The following PLXDC2 variants were observed in gnomAD, a reference collection of about 807,000 sequenced individuals.
The protein encoded by PLXDC2 is plexin domain containing 2, also known as plexin domain-containing protein 2.
Under a neutral mutation model 68.9 loss-of-function variants are expected in PLXDC2, and 40 were observed. The ratio of observed to expected loss-of-function variants is 0.58; its 90% CI spans 0.45 to 0.76. The LOEUF is 0.76. Among genes scored for constraint, PLXDC2 ranks in the 30% least tolerant of loss-of-function variants. The pLI, the probability that PLXDC2 is intolerant of heterozygous loss-of-function variation, is 0.00. For missense variants in PLXDC2, 644 were observed against 661.9 expected, an observed-to-expected ratio of 0.97 and a Z score of 0.30; for synonymous variants, 243 against 234.2, an observed-to-expected ratio of 1.04 and a Z score of -0.34.
At chr10:20,121,327 T>C (rs1833694075) in intron 4 of PLXDC2, among the ~76,000 whole-genome samples, 1 of 152,158 alleles carries the variant, frequency 6.6e-6, no homozygotes, top group Non-Finnish European at 1.5e-5. Flanking sequence ...TGGTCCTGGC[T>C]CTTGTATAAG....
At chr10:19,878,039 G>T (rs1396096556) in intron 1 of PLXDC2, among the ~76,000 whole-genome samples, 1 of 152,098 alleles carries the variant, frequency 6.6e-6, no homozygotes, top group East Asian at 1.9e-4. Flanking sequence ...ATTTAGACTG[G>T]GCTTGAGCAA....
intron 1 of PLXDC2, among the ~76,000 whole-genome samples, chr10:19,978,183 C>G (rs1834490601): frequency 6.6e-6 from 1 of 152,040 alleles, no homozygotes; most frequent in African/African-American, 2.4e-5. Flanking sequence ...GGTCCCTATA[C>G]CTGGATTTTA....
intron 4 of PLXDC2, among the ~76,000 whole-genome samples, chr10:20,090,748 A>G (rs1196011815): frequency 1.3e-5 from 2 of 152,120 alleles, no homozygotes; most frequent in Non-Finnish European, 2.9e-5. Context: ...AGAAACTGAC[A>G]TTACTTAGTT....
At chr10:20,020,607 G>A (rs1030931375) in intron 2 of PLXDC2, among the ~76,000 whole-genome samples, 4 of 151,776 alleles carry the variant, frequency 2.6e-5, no homozygotes, top group East Asian at 1.9e-4. Flanking sequence ...GTGTATCTCC[G>A]TTCATGATCT....
chr10:20,098,985 A>G (rs2078095333), intron 4 of PLXDC2, among the ~76,000 whole-genome samples: 1 of 152,204 alleles, frequency 6.6e-6, no homozygotes, highest in Non-Finnish European at 1.5e-5. Flanking sequence ...AAAGTGACAC[A>G]GCTAAGAATG....
At chr10:19,844,425 C>T (rs1234714720) in intron 1 of PLXDC2, among the ~76,000 whole-genome samples, 1 of 152,006 alleles carries the variant, frequency 6.6e-6, no homozygotes, top group Non-Finnish European at 1.5e-5. Flanking sequence ...AATGTAGTGA[C>T]TTAGTCAAAA....
At chr10:19,897,280 C>T (rs1286757522) in intron 1 of PLXDC2, among the ~76,000 whole-genome samples, 3 of 150,654 alleles carry the variant, frequency 2.0e-5, no homozygotes, top group Non-Finnish European at 4.4e-5. Flanking sequence ...GCTCTTGTCG[C>T]CCAGGCTGGA....
intron 7 of PLXDC2, among the ~76,000 whole-genome samples, chr10:20,165,423 C>T (rs761255613): frequency 1.3e-5 from 2 of 151,974 alleles, no homozygotes; most frequent in Admixed American, 6.6e-5. Context: ...TGCTATCCCT[C>T]CCCTTTCCCC....
At chr10:20,270,551 CT>C (rs111516767) in intron 13 of PLXDC2, among the ~76,000 whole-genome samples, 19 of 148,318 alleles carry the variant, frequency 1.3e-4, no homozygotes, top group Admixed American at 2.0e-4. Flanking sequence ...ATTTTCTTTT[CT>C]TTTTTTTTTG....
At chr10:20,158,662 C>CAAATAAATAAATAAAT (rs1235836557) in intron 6 of PLXDC2, among the ~76,000 whole-genome samples, 3 of 144,712 alleles carry the variant, frequency 2.1e-5, no homozygotes, top group African/African-American at 7.4e-5. Flanking sequence ...GACTCTGTCT[C>CAAATAAATAAATAAAT]AAATAAATAA....
intron 1 of PLXDC2, among the ~76,000 whole-genome samples, chr10:19,998,413 CT>C (rs1182474326): frequency 6.6e-6 from 1 of 152,140 alleles, no homozygotes; most frequent in Non-Finnish European, 1.5e-5. Flanking sequence ...CAGTTTCATA[CT>C]TTTCAGTCTT....
At chr10:20,162,063 AGAGAGAGAGAAGGAAGGAAGGAAG>A (rs1834302784) in intron 6 of PLXDC2, among the ~76,000 whole-genome samples, 3 of 70,540 alleles carry the variant, frequency 4.3e-5, no homozygotes, top group Non-Finnish European at 8.8e-5. Flanking sequence ...AGAGAGAGAG[AGAGAGAGAGAAGGAAGGAAGGAAG>A]GAAGGAAGGA....
chr10:19,834,035 C>T (rs559024113), intron 1 of PLXDC2, among the ~76,000 whole-genome samples: 3 of 150,830 alleles, frequency 2.0e-5, no homozygotes, highest in African/African-American at 2.4e-5. Flanking sequence ...TAGAAGTGGA[C>T]GTCTTCATGG....
chr10:19,936,219 G>C (rs980213385), intron 1 of PLXDC2, among the ~76,000 whole-genome samples: 1 of 152,156 alleles, frequency 6.6e-6, no homozygotes, highest in Non-Finnish European at 1.5e-5. Context: ...GAAGTCCTGT[G>C]TACTCTGCTC....
chr10:19,880,859 T>C (rs1837713950), intron 1 of PLXDC2, among the ~76,000 whole-genome samples: 1 of 152,358 alleles, frequency 6.6e-6, no homozygotes, highest in African/African-American at 2.4e-5. Flanking sequence ...AGATGATTCA[T>C]AAAAATAACT....
intron 3 of PLXDC2, among the ~76,000 whole-genome samples, chr10:20,067,374 G>T (rs1489594451): frequency 6.6e-6 from 1 of 152,074 alleles, no homozygotes; most frequent in African/African-American, 2.4e-5. Flanking sequence ...AGAGCTGATT[G>T]TATTTGAAAC....
intron 2 of PLXDC2, among the ~76,000 whole-genome samples, chr10:20,033,200 A>G (rs866679077): frequency 6.8e-6 from 1 of 145,988 alleles, no homozygotes. Flanking sequence ...ATATAAAAAA[A>G]TAAAATAAAA....
intron 2 of PLXDC2, among the ~76,000 whole-genome samples, chr10:20,015,602 A>G (rs999919706): frequency 2.2e-4 from 34 of 152,190 alleles, no homozygotes; most frequent in African/African-American, 8.2e-4. Flanking sequence ...TGCTCCACTG[A>G]ATTCCTTAAA....
At chr10:20,267,682 A>T (rs1316630804) in intron 13 of PLXDC2, among the ~76,000 whole-genome samples, 1 of 152,074 alleles carries the variant, frequency 6.6e-6, no homozygotes, top group Non-Finnish European at 1.5e-5. Flanking sequence ...AAATGAAAAG[A>T]AGAAGGGAAA....
Sources: allele counts gnomAD v4.1 joint callset (sites outside exome capture counted in the v4.1 genomes callset), GRCh38; gene constraint gnomAD v4.1.1; transcripts MANE v1.5; gene names NCBI Gene and HGNC (gene_info 2026-07-23, HGNC 2026-07-21).